WDR41: variants seen among roughly 807,000 people sequenced by gnomAD.
WDR41 encodes WD repeat domain 41, also known as WD repeat-containing protein 41.
Under a neutral mutation model 69.3 loss-of-function variants are expected in WDR41, and 63 were observed. The observed-to-expected ratio is 0.91, with a 90% CI of 0.74 to 1.12. The LOEUF is 1.12. WDR41 is among the 50% of genes most tolerant of loss of function. The pLI is 0.00. For synonymous variants in WDR41, 185 were observed against 192.1 expected (o/e 0.96, Z 0.31); for missense variants, 543 against 534.5 (o/e 1.02, Z -0.16).
intron 1 of WDR41, among the ~76,000 whole-genome samples, chr5:77,578,734 G>A (rs1001464471): frequency 6.6e-6 from 1 of 151,764 alleles, no homozygotes; most frequent in East Asian, 1.9e-4. Context: ...CCTGGTGGTG[G>A]GAGCCTGTAA....
intron 2 of WDR41, among the ~76,000 whole-genome samples, chr5:77,479,062 C>A (rs1202289379): frequency 6.6e-6 from 1 of 151,966 alleles, no homozygotes; most frequent in Non-Finnish European, 1.5e-5. Context: ...TGAGTGAACT[C>A]CCATTCACAA....
rs7713469 is a variant in WDR41, at chr5:77,470,073, A to T, written c.168-5264T>A. Among the ~76,000 whole-genome samples the T allele has an allele frequency of 6.5e-4, 96 of 148,612 alleles. 1 individual carries two copies. The highest frequency in any genetic ancestry group is 1.1e-3 in the Non-Finnish European group (77 of 67,976). On this transcript the variant is annotated intron_variant, in intron 2 of 12. Transcript: ENST00000296679. ...AAGGGAAGCCCATCAGACTAACAGC[A>T]GATCTCTTGGCAGAAACTCTACAAG...
At chr5:77,446,404 A>G (rs892811971) in intron 8 of WDR41, among the ~76,000 whole-genome samples, 2 of 152,260 alleles carry the variant, frequency 1.3e-5, no homozygotes, top group Non-Finnish European at 2.9e-5. Flanking sequence ...GACATCCTTC[A>G]AAGAATTAGA....
At chr5:77,556,401 G>A (rs762410463) in intron 1 of WDR41, among the ~76,000 whole-genome samples, 2 of 149,414 alleles carry the variant, frequency 1.3e-5, no homozygotes, top group African/African-American at 2.5e-5. Flanking sequence ...CGTTGCACCC[G>A]ACTGACTGAC....
intron 2 of WDR41, among the ~76,000 whole-genome samples, chr5:77,470,744 T>A (rs1178805066): frequency 6.6e-6 from 1 of 152,170 alleles, no homozygotes; most frequent in Admixed American, 6.5e-5. Flanking sequence ...TAAATATATA[T>A]GCACCCAATA....
intron 1 of WDR41, among the ~76,000 whole-genome samples, chr5:77,553,607 C>T (rs1381695046): frequency 6.6e-6 from 1 of 151,908 alleles, no homozygotes; most frequent in Non-Finnish European, 1.5e-5. Flanking sequence ...TCTCAAAACT[C>T]AACATTAAAA....
chr5:77,573,131 T>C (rs1342727626), intron 1 of WDR41, among the ~76,000 whole-genome samples: 1 of 152,170 alleles, frequency 6.6e-6, no homozygotes, highest in Non-Finnish European at 1.5e-5. Context: ...CAGATCTGTT[T>C]TCACTACTTT....
intron 1 of WDR41, among the ~76,000 whole-genome samples, chr5:77,597,264 G>GGA (rs1266217934): frequency 6.6e-6 from 1 of 152,184 alleles, no homozygotes; most frequent in African/African-American, 2.4e-5. Flanking sequence ...CTTTGTATAG[G>GGA]GAGGGAAGGT....
At chr5:77,436,909 C>T (rs1798956736) in intron 11 of WDR41, among the ~76,000 whole-genome samples, 1 of 152,100 alleles carries the variant, frequency 6.6e-6, no homozygotes, top group South Asian at 2.1e-4. Context: ...AAGTCAAGAG[C>T]TCATAAAATT....
intron 7 of WDR41, 54 bp downstream of exon 7, chr5:77,451,237 A>G: frequency 1.3e-6 from 2 of 1,530,428 alleles, no homozygotes. Context: ...TCCTTCCAGC[A>G]TGTGTATACA....
At chr5:77,463,262 T>C in intron 3 of WDR41, 36 bp from the exon 4 acceptor site, 1 of 1,575,872 alleles carries the variant, frequency 6.3e-7, no homozygotes, top group Non-Finnish European at 8.6e-7. Context: ...AGGCTTAGCT[T>C]TCACAATTTA....
intron 1 of WDR41, among the ~76,000 whole-genome samples, chr5:77,606,363 G>C (rs77923836): frequency 1.3e-5 from 2 of 152,144 alleles, no homozygotes; most frequent in Non-Finnish European, 2.9e-5. Flanking sequence ...AAGAAAAAAG[G>C]CTTCCTACAG....
chr5:77,445,570 T>C (rs2151297676), intron 8 of WDR41, among the ~76,000 whole-genome samples: 1 of 152,288 alleles, frequency 6.6e-6, no homozygotes, highest in Admixed American at 6.5e-5. Context: ...AAAAAGCTTA[T>C]CCACCATGAT....
chr5:77,433,791 T>G (rs1038203273), intron 12 of WDR41, among the ~76,000 whole-genome samples: 1 of 152,206 alleles, frequency 6.6e-6, no homozygotes, highest in Non-Finnish European at 1.5e-5. Context: ...TGAGAGATTA[T>G]GTAATCAGGT....
intron 8 of WDR41, among the ~76,000 whole-genome samples, chr5:77,442,894 C>CAAAAAAAAAAAAAAAAAAAAAAAAAA (rs60442242): frequency 1.8e-5 from 1 of 56,260 alleles, no homozygotes; most frequent in African/African-American, 1.0e-4. Context: ...TCTGTCTCCC[C>CAAAAAAAAAAAAAAAAAAAAAAAAAA]AAAAAAAAAA....
Position 77,562,642 on chromosome 5 carries a change from A to C in WDR41, c.42+57837T>G, listed in dbSNP as rs574539340. Among the ~76,000 whole-genome samples, 24 of 152,316 alleles carry C rather than the reference A, an allele frequency of 1.6e-4. No individual in the cohort carries two copies. In the South Asian group the frequency reaches 1.7e-3, roughly 11 times the overall value. On this transcript the variant is annotated intron_variant, in intron 1 of 5. Transcript: ENST00000509971. Reference sequence around the variant, plus strand: ...ATGATAATTGTTCTAGAAAGAGAGGAATTTAGAGACAAAATATAACATCTT... The same window carrying C: ...ATGATAATTGTTCTAGAAAGAGAGGCATTTAGAGACAAAATATAACATCTT...
At position 77,459,137 on chromosome 5, in the gene WDR41, T is replaced by A. The variant is rs766283223; in HGVS notation, c.349-13A>T. The A allele has an allele frequency of 6.4e-7, 1 of 1,560,966 alleles. No individual in the cohort carries two copies. Among genetic ancestry groups the A allele is most frequent in the South Asian group, 1.2e-5 (1 of 85,332 alleles). ...CACCATCCCACACCTAAATTTATGTTAAGAAATAATTTCTAAACAGAATTT... is the reference window on the plus strand; with the variant it reads ...CACCATCCCACACCTAAATTTATGTAAAGAAATAATTTCTAAACAGAATTT... On this transcript the variant is annotated splice_polypyrimidine_tract_variant and intron_variant, in intron 4 of 12. Coordinates refer to ENST00000296679, the MANE Select transcript of WDR41 (RefSeq NM_018268.4).
At chr5:77,550,168 T>A (rs2112239281) in intron 1 of WDR41, among the ~76,000 whole-genome samples, 1 of 152,274 alleles carries the variant, frequency 6.6e-6, no homozygotes, top group Middle Eastern at 3.4e-3. Context: ...AATACCATTC[T>A]GGACATTGGC....
intron 12 of WDR41, among the ~76,000 whole-genome samples, chr5:77,435,064 GCCAAGGTGCTCCTT>G (rs1798887320): frequency 6.6e-6 from 1 of 152,130 alleles, no homozygotes; most frequent in African/African-American, 2.4e-5. Context: ...CTCCGGCCTA[GCCAAGGTGCTCCTT>G]GCCACCACGT....
Sources: allele counts gnomAD v4.1 joint callset (sites outside exome capture counted in the v4.1 genomes callset), GRCh38; gene constraint gnomAD v4.1.1; transcripts MANE v1.5; gene names NCBI Gene and HGNC (gene_info 2026-07-23, HGNC 2026-07-21).